The following RSF1 variants were observed in gnomAD, a reference collection of about 807,000 sequenced individuals.
The protein encoded by RSF1 is remodeling and spacing factor 1.
RSF1 carries 13 observed loss-of-function variants against 145.2 expected under a neutral mutation model. That is an observed-to-expected ratio of 0.09 (90% CI 0.06 to 0.14). The LOEUF is 0.14. Ranked by LOEUF, RSF1 falls within the 10% of genes least tolerant of loss-of-function variation. RSF1 has a pLI of 1.00. For synonymous variants in RSF1, 577 were observed against 592.6 expected, an observed-to-expected ratio of 0.97 and a Z score of 0.38; for missense variants, 1,517 against 1,718.2, an observed-to-expected ratio of 0.88 and a Z score of 2.07.
At chr11:77,761,897 C>G (rs1948176360) in intron 2 of RSF1, among the ~76,000 whole-genome samples, 1 of 143,978 alleles carries the variant, frequency 6.9e-6, no homozygotes, top group South Asian at 2.2e-4. Context: ...GTGGCACGAT[C>G]TTGGCTCACT....
the RSF1 span, among the ~76,000 whole-genome samples, chr11:77,828,651 C>G: frequency 5.2e-5 from 7 of 133,534 alleles, no homozygotes; most frequent in African/African-American, 2.0e-4. Context: ...GCCTGGGCAA[C>G]AGAGTGAGAC....
At chr11:77,786,161 A>G (rs1014046097) in intron 1 of RSF1, among the ~76,000 whole-genome samples, 16 of 152,078 alleles carry the variant, frequency 1.1e-4, no homozygotes, top group Admixed American at 9.8e-4. Context: ...CAAGGCTAAG[A>G]TTTCAACCCA....
intron 2 of RSF1, 58 bp downstream of exon 2, chr11:77,764,540 A>G: frequency 1.0e-6 from 1 of 957,768 alleles, no homozygotes; most frequent in Non-Finnish European, 1.6e-6. Context: ...ACATAATATC[A>G]ATTTATGCTA....
intron 1 of RSF1, among the ~76,000 whole-genome samples, chr11:77,785,426 C>G (rs1948444078): frequency 6.6e-6 from 1 of 151,982 alleles, no homozygotes; most frequent in South Asian, 2.1e-4. Flanking sequence ...TGTGTCTCTA[C>G]TAAAAATACA....
chr11:77,741,499 G>T (rs1947938339), intron 3 of RSF1, among the ~76,000 whole-genome samples: 1 of 151,890 alleles, frequency 6.6e-6, no homozygotes, highest in Non-Finnish European at 1.5e-5. Flanking sequence ...ACTCTGGCTT[G>T]GGCAACAGAG....
At chr11:77,810,651 C>G (rs1158948356) in intron 1 of RSF1, among the ~76,000 whole-genome samples, 1 of 152,084 alleles carries the variant, frequency 6.6e-6, no homozygotes, top group African/African-American at 2.4e-5. Flanking sequence ...ATCTCTGCCT[C>G]CTGGGTTCAA....
At chr11:77,704,479 T>G (rs1334124204) in intron 5 of RSF1, among the ~76,000 whole-genome samples, 2 of 152,188 alleles carry the variant, frequency 1.3e-5, no homozygotes, top group Non-Finnish European at 2.9e-5. Context: ...TTCTTCAGAT[T>G]TCTCCATGTT....
At chr11:77,783,531 C>T (rs1269755252) in intron 1 of RSF1, among the ~76,000 whole-genome samples, 2 of 152,152 alleles carry the variant, frequency 1.3e-5, no homozygotes, top group African/African-American at 4.8e-5. Context: ...TAATACCTTT[C>T]ATTTAGTACT....
chr11:77,729,599 A>T (rs1961147287), intron 4 of RSF1, among the ~76,000 whole-genome samples: 1 of 151,958 alleles, frequency 6.6e-6, no homozygotes, highest in Admixed American at 6.6e-5. Flanking sequence ...CCCACAAAAA[A>T]AAAAAAGTCA....
chr11:77,700,574 AAGAGTAT>A (rs1423029191), intron 6 of RSF1, 140 bp downstream of exon 6: 1 of 575,826 alleles, frequency 1.7e-6, no homozygotes, highest in Non-Finnish European at 2.9e-6. Flanking sequence ...GAGTATAAGT[AAGAGTAT>A]AAAGTCTGAA....
the RSF1 span, among the ~76,000 whole-genome samples, chr11:77,853,117 C>T: frequency 6.6e-6 from 1 of 152,208 alleles, no homozygotes; most frequent in Middle Eastern, 3.4e-3. Context: ...TTGCCAAATT[C>T]CCCTTTTTGG....
At chr11:77,828,596 G>A in the RSF1 span, among the ~76,000 whole-genome samples, 28 of 151,510 alleles carry the variant, frequency 1.8e-4, no homozygotes, top group African/African-American at 5.1e-4. Flanking sequence ...GCGTGAACCC[G>A]GGAGGTGGAG....
At chr11:77,801,619 G>T (rs561080808) in intron 1 of RSF1, among the ~76,000 whole-genome samples, 2 of 151,834 alleles carry the variant, frequency 1.3e-5, no homozygotes, top group African/African-American at 2.4e-5. Flanking sequence ...GGTAACATGC[G>T]TGTCTACACA....
At chr11:77,833,398 G>T in the RSF1 span, among the ~76,000 whole-genome samples, 6 of 152,124 alleles carry the variant, frequency 3.9e-5, no homozygotes, top group Non-Finnish European at 8.8e-5. Context: ...AAGGGACTGT[G>T]CAACCTAAAT....
rs1960149809 is a variant in RSF1 at position 77,691,562 on chromosome 11, A to G, written c.2821-324T>C. 6 of 228,398 alleles carry G rather than the reference A, an allele frequency of 2.6e-5. No homozygotes were observed. The South Asian group carries it at 4.8e-4, about 18-fold the overall frequency. 14.1% of individuals were successfully genotyped at this position (228,398 alleles called of 1,614,324 possible). ...TGTAACAGTGATTATACTTTTTAAAAAAGATCCCAAGATGTTTTAAAGGGA... is the reference window on the plus strand; with the variant it reads ...TGTAACAGTGATTATACTTTTTAAAGAAGATCCCAAGATGTTTTAAAGGGA... On this transcript the variant is annotated intron_variant, in intron 8 of 15. Transcript: ENST00000308488.
chr11:77,690,495 C>T (rs966036240), intron 9 of RSF1, among the ~76,000 whole-genome samples: 32 of 152,056 alleles, frequency 2.1e-4, no homozygotes, highest in African/African-American at 7.7e-4. Flanking sequence ...TCACTCTTGC[C>T]CAGGCTGCAG....
the RSF1 span, among the ~76,000 whole-genome samples, chr11:77,870,360 C>T: frequency 2.0e-5 from 2 of 101,388 alleles, no homozygotes; most frequent in African/African-American, 4.1e-5. Flanking sequence ...TTTTTTGAGA[C>T]GGAGTCTTGT....
At chr11:77,718,492 T>G (rs1242922266) in intron 5 of RSF1, 1 of 152,216 alleles carries the variant, frequency 6.6e-6, no homozygotes, top group East Asian at 1.9e-4. Context: ...TTCATAGTAT[T>G]ACATGTTACA....
rs183528607 is a variant in RSF1, at chr11:77,726,390, A to G, written c.579-691T>C. ...TGATCACGGCTCACGGTAACCTCAA[A>G]TTCCCAGGCTCAAGACCCTCCTACC... On this transcript the variant is annotated intron_variant, in intron 4 of 15. Coordinates refer to ENST00000308488, the MANE Select transcript of RSF1 (RefSeq NM_016578.4). Among the ~76,000 whole-genome samples, 193 of 152,254 alleles carry G rather than the reference A, an allele frequency of 1.3e-3. 1 individual carries two copies. Among genetic ancestry groups the G allele is most frequent in the African/African-American group, 4.5e-3 (186 of 41,542 alleles).
Sources: allele counts gnomAD v4.1 joint callset (sites outside exome capture counted in the v4.1 genomes callset), GRCh38; gene constraint gnomAD v4.1.1; transcripts MANE v1.5; gene names NCBI Gene and HGNC (gene_info 2026-07-23, HGNC 2026-07-21).